CDH4: variants seen among roughly 807,000 people sequenced by gnomAD.
CDH4 encodes the protein cadherin 4.
In CDH4, 33 loss-of-function variants were observed where a neutral mutation model predicts 86.0. That is an observed-to-expected ratio of 0.38 (90% CI 0.29 to 0.51). The LOEUF is 0.51. Ranked by LOEUF, CDH4 falls within the 20% of genes least tolerant of loss-of-function variation. CDH4 has a pLI of 0.86. For missense variants in CDH4, 1,114 were observed against 1,307.4 expected (o/e 0.85, Z 2.28); for synonymous variants, 555 against 549.4 (o/e 1.01, Z -0.14).
intron 2 of CDH4, among the ~76,000 whole-genome samples, chr20:61,293,978 C>T: frequency 6.6e-6 from 1 of 152,100 alleles, no homozygotes; most frequent in East Asian, 1.9e-4. Flanking sequence ...GCATGGGGGT[C>T]TTTGTGGTCG....
chr20:61,697,761 G>A (rs1182878802), intron 2 of CDH4, among the ~76,000 whole-genome samples: 2 of 152,210 alleles, frequency 1.3e-5, no homozygotes, highest in Admixed American at 6.5e-5. Context: ...CCAGAGGGGT[G>A]TCCATCTCCG....
rs553737381 is a variant in CDH4, at chr20:61,682,353, AATGG to A, written c.170-61193_170-61190del. ...GGAGGGAGGAAGGGAGAGATAGATG[AATGG>A]ATGGATGGATGGATGGTGGATGGAT... On this transcript the variant is annotated intron_variant, in intron 2 of 15. Coordinates refer to ENST00000614565, the MANE Select transcript of CDH4 (RefSeq NM_001794.5). 8.4e-3 allele frequency among the ~76,000 whole-genome samples: 1,080 copies of A among 128,788 alleles called. 13 individuals carry two copies. The highest frequency in any genetic ancestry group is 0.032 in the African/African-American group (985 of 30,390). 84.5% of individuals were successfully genotyped at this position (128,788 alleles called of 152,430 possible).
In CDH4 at chr20:61,335,344, A is replaced by C. The variant is rs77991338; in HGVS notation, c.169+80407A>C. Among the ~76,000 whole-genome samples, 360 of 152,352 alleles carry C rather than the reference A, an allele frequency of 2.4e-3. 7 individuals carry two copies. Among genetic ancestry groups the C allele is most frequent in the Admixed American group, 0.016 (249 of 15,304 alleles). On this transcript the variant is annotated intron_variant, in intron 2 of 15. Transcript: ENST00000614565. ...GAATAAGCCACAGGTAAAGTATTTA[A>C]AGATTACAGGCAAAGGGATGTGACA...
At chr20:61,622,503 G>C (rs972738068) in intron 2 of CDH4, among the ~76,000 whole-genome samples, 1 of 152,272 alleles carries the variant, frequency 6.6e-6, no homozygotes, top group African/African-American at 2.4e-5. Context: ...CCAGACACTT[G>C]TGGCCCATGC....
chr20:61,383,177 T>TTATA lies in CDH4; in HGVS notation c.169+128243_169+128244insATAT, dbSNP rs1555844079. ...GAATATATTATATATATGAATATAT[T>TTATA]TATGAATATATATGAATATATTTAT... On this transcript the variant is annotated intron_variant, in intron 2 of 15. Coordinates refer to ENST00000614565, the MANE Select transcript of CDH4 (RefSeq NM_001794.5). 2.3e-4 allele frequency among the ~76,000 whole-genome samples: 24 copies of TTATA among 102,382 alleles called. 3 individuals are homozygous for TTATA. Among genetic ancestry groups the TTATA allele is most frequent in the African/African-American group, 9.9e-4 (22 of 22,186 alleles). 67.2% of individuals were successfully genotyped at this position (102,382 alleles called of 152,430 possible). A position where few individuals can be genotyped will look rare whatever the true frequency, so the allele number is the denominator to read the frequency against.
intron 2 of CDH4, among the ~76,000 whole-genome samples, chr20:61,263,706 T>C (rs1252089183): frequency 1.3e-5 from 2 of 152,336 alleles, no homozygotes; most frequent in East Asian, 1.9e-4. Context: ...AGTTATTATC[T>C]TGTGGTTCTG....
At chr20:61,511,632 T>C (rs1343556447) in intron 2 of CDH4, among the ~76,000 whole-genome samples, 1 of 152,260 alleles carries the variant, frequency 6.6e-6, no homozygotes, top group East Asian at 1.9e-4. Context: ...AATATGTGTA[T>C]GCATTAAGCG....
intron 3 of CDH4, among the ~76,000 whole-genome samples, chr20:61,758,377 C>G (rs1027427498): frequency 6.6e-6 from 1 of 152,202 alleles, no homozygotes; most frequent in Non-Finnish European, 1.5e-5. Flanking sequence ...CTGCCTCGGG[C>G]CCTGGGCCCT....
In CDH4 at chr20:61,829,594, C is replaced by T. The variant is rs1301260262; in HGVS notation, c.577-15074C>T. Among the ~76,000 whole-genome samples, 4 of 152,218 alleles carry T rather than the reference C, an allele frequency of 2.6e-5. No individual in the cohort carries two copies. In the East Asian group the frequency reaches 5.8e-4, roughly 22 times the overall value. On this transcript the variant is annotated intron_variant, in intron 4 of 15. Transcript: ENST00000614565. This position sits in a 1 kb window ranked among gnomAD's most constrained non-coding sequence, Gnocchi z 4.2. ...GAGCCTGTTTTCCACGGCGGCTCTG[C>T]GGGCCTCCTGTTGAGGAAGCCCTGG...
chr20:61,882,942 C>T (rs1815430865), intron 7 of CDH4, among the ~76,000 whole-genome samples: 1 of 152,132 alleles, frequency 6.6e-6, no homozygotes, highest in South Asian at 2.1e-4. Flanking sequence ...CCACGGAGCA[C>T]ATGCCCCAGC....
intron 2 of CDH4, among the ~76,000 whole-genome samples, chr20:61,658,764 A>AC (rs986662391): frequency 3.0e-4 from 45 of 150,930 alleles, no homozygotes; most frequent in African/African-American, 8.5e-4. Context: ...GGGAAATACC[A>AC]CCCCCCCACT....
intron 2 of CDH4, among the ~76,000 whole-genome samples, chr20:61,586,176 T>C (rs2086473085): frequency 6.9e-6 from 1 of 143,948 alleles, no homozygotes; most frequent in Admixed American, 6.9e-5. Context: ...ATGATGATGT[T>C]TATAGTGATC....
At chr20:61,842,983 G>C (rs896919141) in intron 4 of CDH4, among the ~76,000 whole-genome samples, 1 of 152,194 alleles carries the variant, frequency 6.6e-6, no homozygotes, top group African/African-American at 2.4e-5. Flanking sequence ...TTTGGTTCCT[G>C]TTGACCCAAT....
At chr20:61,291,925 G>T (rs913287488) in intron 2 of CDH4, among the ~76,000 whole-genome samples, 1 of 152,098 alleles carries the variant, frequency 6.6e-6, no homozygotes, top group Non-Finnish European at 1.5e-5. Flanking sequence ...AGCCCCCCGT[G>T]TCTGGTGTTT....
At chr20:61,465,575 C>T (rs531390464) in intron 2 of CDH4, among the ~76,000 whole-genome samples, 85 of 152,174 alleles carry the variant, frequency 5.6e-4, no homozygotes, top group African/African-American at 1.1e-3. Context: ...TATGTAGAGA[C>T]GGCCAAATGC....
Position 61,516,472 on chromosome 20 carries a change from G to A in CDH4, c.170-227091G>A, listed in dbSNP as rs2085821824. Among the ~76,000 whole-genome samples the A allele has an allele frequency of 6.6e-6, 1 of 152,138 alleles. No individual in the cohort carries two copies. The highest frequency in any genetic ancestry group is 1.5e-5 in the Non-Finnish European group (1 of 68,030). On this transcript the variant is annotated intron_variant, in intron 2 of 15. Transcript: ENST00000614565. The surrounding 1 kb of genome is among the most constrained non-coding windows in gnomAD (Gnocchi z 4.0). ...TCCATTTTACAGACCGGGAGGCAGA[G>A]CCCCAGAGGTCAAGCCAGATGTCCA...
chr20:61,515,246 C>T (rs1273377947), intron 2 of CDH4, among the ~76,000 whole-genome samples: 3 of 152,250 alleles, frequency 2.0e-5, no homozygotes, highest in Non-Finnish European at 4.4e-5. Context: ...CTGGGGACTC[C>T]CCTGTGTGGT....
intron 2 of CDH4, among the ~76,000 whole-genome samples, chr20:61,665,369 T>C (rs1206291071): frequency 6.6e-6 from 1 of 152,220 alleles, no homozygotes; most frequent in Non-Finnish European, 1.5e-5. Flanking sequence ...TACCCAACAA[T>C]TTGACCTTTC....
chr20:61,652,805 A>T (rs1406990604), intron 2 of CDH4, among the ~76,000 whole-genome samples: 2 of 150,300 alleles, frequency 1.3e-5, no homozygotes, highest in African/African-American at 2.4e-5. Context: ...ATGAAAAAAA[A>T]AAAATACATT....
Sources: allele counts gnomAD v4.1 joint callset (sites outside exome capture counted in the v4.1 genomes callset), GRCh38; gene constraint gnomAD v4.1.1; non-coding constraint Gnocchi (gnomAD v3.1); transcripts MANE v1.5; gene names NCBI Gene and HGNC (gene_info 2026-07-23, HGNC 2026-07-21).